Variants in PPP2R1B observed in about 807,000 individuals in gnomAD.
PPP2R1B encodes serine/threonine-protein phosphatase 2A 65 kDa regulatory subunit A beta isoform.
PPP2R1B carries 58 observed loss-of-function variants against 72.7 expected under a neutral mutation model. The observed-to-expected ratio is 0.80, with a 90% CI of 0.65 to 0.99. The LOEUF (loss-of-function observed/expected upper bound fraction) is 0.99, where lower values mean the gene tolerates loss of function less well. Among genes scored for constraint, PPP2R1B ranks in the 50% least tolerant of loss-of-function variants. The pLI, the probability that PPP2R1B is intolerant of heterozygous loss-of-function variation, is 0.00. For synonymous variants in PPP2R1B, 256 were observed against 264.6 expected (o/e 0.97, Z 0.32); for missense variants, 695 against 733.6 (o/e 0.95, Z 0.61).
rs370210126 is a variant in PPP2R1B, at chr11:111,760,814, C to T, written c.539+5G>A. On this transcript the variant is annotated splice_donor_5th_base_variant and intron_variant, in intron 4 of 14. Transcript: ENST00000527614. Reference sequence around the variant, plus strand: ...TTAACAAGGCAAAAAAATACCATGGCTTACTGTCTGATTTCTGCTTTAACA... The same window carrying T: ...TTAACAAGGCAAAAAAATACCATGGTTTACTGTCTGATTTCTGCTTTAACA... 5 of 1,612,452 alleles carry T rather than the reference C, an allele frequency of 3.1e-6. No homozygotes were observed. The highest frequency in any genetic ancestry group is 4.2e-6 in the Non-Finnish European group (5 of 1,179,092).
At chr11:111,752,367 A>AT in intron 9 of PPP2R1B, 35 bp from the exon 10 acceptor site, 1 of 1,555,372 alleles carries the variant, frequency 6.4e-7, no homozygotes, top group Non-Finnish European at 8.7e-7. Context: ...ACCACATTTA[A>AT]AAATCAAGTA....
the PPP2R1B span, among the ~76,000 whole-genome samples, chr11:111,712,744 T>C: frequency 6.6e-6 from 1 of 152,250 alleles, no homozygotes; most frequent in Admixed American, 6.5e-5. Context: ...TTAACTTTCA[T>C]GCCAAATTGG....
Position 111,739,478 on chromosome 11 carries a change from T to C in PPP2R1B, c.*2118A>G, listed in dbSNP as rs947207382. 2 of 985,290 alleles carry C rather than the reference T, an allele frequency of 2.0e-6. No homozygotes were observed. The highest frequency in any genetic ancestry group is 3.5e-5 in the African/African-American group (2 of 57,238). The allele number at this position is 985,290 out of a possible 1,614,324, so 61.0% of individuals were successfully genotyped here. On this transcript the variant is annotated 3_prime_UTR_variant, in exon 15 of 15. Transcript: ENST00000527614. ...AGTCAGAAGGAAACAATGAAACCCC[T>C]GAGGGGTCACCACAAAAGACAGAGG...
At chr11:111,758,786 T>TA (rs1208453395) in intron 5 of PPP2R1B, among the ~76,000 whole-genome samples, 8 of 152,178 alleles carry the variant, frequency 5.3e-5, no homozygotes, top group Admixed American at 2.0e-4. Flanking sequence ...AGGTGATCGT[T>TA]AACAAGTTGG....
intron 13 of PPP2R1B, 69 bp from the exon 14 acceptor site, chr11:111,742,213 G>T: frequency 8.5e-7 from 1 of 1,169,744 alleles, no homozygotes; most frequent in Non-Finnish European, 1.2e-6. Flanking sequence ...TGGTGTATAT[G>T]GTTAATGGTA....
At chr11:111,750,895 G>A (rs924039247) in intron 10 of PPP2R1B, among the ~76,000 whole-genome samples, 1 of 151,538 alleles carries the variant, frequency 6.6e-6, no homozygotes, top group Non-Finnish European at 1.5e-5. Flanking sequence ...CTGCAGTGCA[G>A]TAGTGCAATC....
chr11:111,722,910 A>G (rs956552216), downstream of PPP2R1B, among the ~76,000 whole-genome samples: 2 of 152,194 alleles, frequency 1.3e-5, no homozygotes, highest in African/African-American at 2.4e-5. This position sits in a 1 kb window ranked among gnomAD's most constrained non-coding sequence, Gnocchi z 4.4. Context: ...TACTAAGAGG[A>G]TATCTCAGTA....
rs181630528 is a variant in PPP2R1B, at chr11:111,727,349, C to A, written c.1912-292G>T. On this transcript the variant is annotated intron_variant, in intron 15 of 15. Coordinates refer to the PPP2R1B transcript ENST00000311129. ...TTTTGCCTCCTAGGAAAGAAAAAGT[C>A]AGTGGCCCTTTCTTCCTCAGATATC... is the stretch of plus-strand genomic sequence containing the variant. 314 of 458,688 alleles carry A rather than the reference C, an allele frequency of 6.8e-4. 3 individuals are homozygous for A. The highest frequency in any genetic ancestry group is 5.6e-3 in the African/African-American group (293 of 52,062). The allele number at this position is 458,688 out of a possible 1,614,324, so 28.4% of individuals were successfully genotyped here.
At chr11:111,725,216 A>G (rs964663628), downstream of PPP2R1B, 3 of 152,636 alleles carry the variant, frequency 2.0e-5, no homozygotes, top group Non-Finnish European at 4.4e-5. Context: ...TGTAGAAACC[A>G]ACAGTTTCCA....
At chr11:111,758,366 C>A (rs1312970833) in intron 5 of PPP2R1B, among the ~76,000 whole-genome samples, 1 of 152,060 alleles carries the variant, frequency 6.6e-6, no homozygotes, top group Non-Finnish European at 1.5e-5. Context: ...CCAAGGTGGG[C>A]GGATCACAAG....
chr11:111,688,274 G>A, the PPP2R1B span: 3 of 1,059,156 alleles, frequency 2.8e-6, no homozygotes, highest in African/African-American at 4.7e-5. This position sits in a 1 kb window ranked among gnomAD's most constrained non-coding sequence, Gnocchi z 4.2. Flanking sequence ...GATGACATCA[G>A]GCTATCTCAA....
At chr11:111,762,386 T>C (rs1945359324) in intron 3 of PPP2R1B, among the ~76,000 whole-genome samples, 1 of 152,188 alleles carries the variant, frequency 6.6e-6, no homozygotes, top group Non-Finnish European at 1.5e-5. Context: ...GTCCCCTGCC[T>C]ACTGTAACCC....
At chr11:111,752,758 G>C (rs537242827) in intron 9 of PPP2R1B, among the ~76,000 whole-genome samples, 2 of 152,068 alleles carry the variant, frequency 1.3e-5, no homozygotes, top group Non-Finnish European at 2.9e-5. Flanking sequence ...GGCAGATCAC[G>C]AGGTCAGGAG....
rs1239273440 is a variant in PPP2R1B at position 111,739,492 on chromosome 11, A to G, written c.*2104T>C. The G allele has an allele frequency of 1.0e-6, 1 of 985,356 alleles. No homozygotes were observed. The highest frequency in any genetic ancestry group is 1.2e-6 in the Non-Finnish European group (1 of 829,964). 61.0% of individuals were successfully genotyped at this position (985,356 alleles called of 1,614,324 possible). A position where few individuals can be genotyped will look rare whatever the true frequency, so the allele number is the denominator to read the frequency against. On this transcript the variant is annotated 3_prime_UTR_variant, in exon 15 of 15. Transcript: ENST00000527614. ...AATGAAACCCCTGAGGGGTCACCAC[A>G]AAAGACAGAGGCCCCGCTGAACCCC...
At chr11:111,759,699 T>C in intron 5 of PPP2R1B, 105 bp downstream of exon 5, 3 of 1,292,462 alleles carry the variant, frequency 2.3e-6, no homozygotes, top group Non-Finnish European at 3.1e-6. Flanking sequence ...GCACTAATTC[T>C]GTAAAAAGAA....
chr11:111,722,155 C>T (rs1943821505), downstream of PPP2R1B, among the ~76,000 whole-genome samples: 1 of 152,098 alleles, frequency 6.6e-6, no homozygotes, highest in South Asian at 2.1e-4. The surrounding 1 kb of genome is among the most constrained non-coding windows in gnomAD (Gnocchi z 4.4). Context: ...GTCCTCAAGC[C>T]CCACGAAAGG....
chr11:111,735,809 C>T (rs942064607), downstream of PPP2R1B, among the ~76,000 whole-genome samples: 1 of 152,230 alleles, frequency 6.6e-6, no homozygotes, highest in African/African-American at 2.4e-5. Context: ...GTCCACTACG[C>T]ACCCTAGACA....
chr11:111,763,474 G>A (rs1437287500), intron 3 of PPP2R1B, among the ~76,000 whole-genome samples: 4 of 152,296 alleles, frequency 2.6e-5, no homozygotes, highest in South Asian at 2.1e-4. Context: ...TGTAAGAGTC[G>A]GGTGAGAGGC....
intron 14 of PPP2R1B, 81 bp from the exon 15 acceptor site, chr11:111,741,693 T>C: frequency 3.4e-6 from 5 of 1,460,538 alleles, no homozygotes; most frequent in South Asian, 1.2e-5. Flanking sequence ...ACAATAACAA[T>C]GATCCAAACG....
Sources: allele counts gnomAD v4.1 joint callset (sites outside exome capture counted in the v4.1 genomes callset), GRCh38; gene constraint gnomAD v4.1.1; non-coding constraint Gnocchi (gnomAD v3.1); transcripts MANE v1.5; gene names NCBI Gene and HGNC (gene_info 2026-07-23, HGNC 2026-07-21).